ATL2: variants seen among roughly 807,000 people sequenced by gnomAD.
ATL2 encodes the protein atlastin-2.
ATL2 carries 31 observed loss-of-function variants against 73.9 expected under a neutral mutation model. The observed-to-expected ratio is 0.42, with a 90% CI of 0.32 to 0.57. The LOEUF is 0.57. Among genes scored for constraint, ATL2 ranks in the 20% least tolerant of loss-of-function variants. ATL2 has a pLI of 0.14. For missense variants in ATL2, 738 were observed against 702.6 expected (o/e 1.05, Z -0.57); for synonymous variants, 291 against 237.5 (o/e 1.23, Z -2.07).
At chr2:38,370,398 A>C (rs1392564075) in intron 1 of ATL2, among the ~76,000 whole-genome samples, 1 of 144,612 alleles carries the variant, frequency 6.9e-6, no homozygotes, top group African/African-American at 2.6e-5. Flanking sequence ...ACAGTGAGCC[A>C]AGATCGCGCC....
In ATL2 at chr2:38,294,653, A is replaced by G. The variant is rs1666793929; in HGVS notation, c.*1341T>C. On this transcript the variant is annotated 3_prime_UTR_variant, in exon 13 of 13. Transcript: ENST00000378954. ...TACATATACCACCAAAAAAAAAAAA[A>G]GAGAGAGAAAGAAATTAACAATCCC... Among the ~76,000 whole-genome samples, 5 of 148,030 alleles carry G rather than the reference A, an allele frequency of 3.4e-5. No individual in the cohort carries two copies. In the South Asian group the frequency reaches 1.1e-3, roughly 33 times the overall value.
chr2:38,329,901 G>C (rs768836020), intron 2 of ATL2, among the ~76,000 whole-genome samples: 1 of 152,082 alleles, frequency 6.6e-6, no homozygotes, highest in Non-Finnish European at 1.5e-5. Flanking sequence ...GGCCAAGTCG[G>C]GCAGAATACC....
chr2:38,301,900 G>A (rs1444377455), intron 9 of ATL2, among the ~76,000 whole-genome samples: 2 of 152,094 alleles, frequency 1.3e-5, no homozygotes, highest in Non-Finnish European at 2.9e-5. Flanking sequence ...CTCAGGCAGT[G>A]TAGTTCACAG....
At chr2:38,308,280 A>G (rs1157082370) in intron 9 of ATL2, among the ~76,000 whole-genome samples, 1 of 152,208 alleles carries the variant, frequency 6.6e-6, no homozygotes, top group Non-Finnish European at 1.5e-5. Flanking sequence ...ATATAAAAGA[A>G]TGAGATCCTG....
intron 2 of ATL2, among the ~76,000 whole-genome samples, chr2:38,325,649 CACACACACCAG>C (rs1668567757): frequency 1.2e-5 from 1 of 81,470 alleles, no homozygotes; most frequent in Non-Finnish European, 2.5e-5. Context: ...CACACACACA[CACACACACCAG>C]TACACACACA....
intron 1 of ATL2, chr2:38,358,609 G>T (rs112659670): frequency 1.1e-5 from 3 of 265,560 alleles, no homozygotes; most frequent in South Asian, 8.5e-5. Flanking sequence ...GGAGAATGGC[G>T]TGGACCCAAG....
At chr2:38,335,191 C>T (rs964180492) in intron 2 of ATL2, among the ~76,000 whole-genome samples, 1 of 151,446 alleles carries the variant, frequency 6.6e-6, no homozygotes, top group Non-Finnish European at 1.5e-5. Context: ...TTTGGCAATC[C>T]CTACTAAAAG....
chr2:38,363,939 G>A (rs1671156828), intron 1 of ATL2, among the ~76,000 whole-genome samples: 1 of 152,154 alleles, frequency 6.6e-6, no homozygotes, highest in Non-Finnish European at 1.5e-5. Flanking sequence ...CACCTCTTAA[G>A]CCCTGAGGAT....
At chr2:38,313,916 G>T (rs1028538676) in intron 6 of ATL2, among the ~76,000 whole-genome samples, 5 of 152,068 alleles carry the variant, frequency 3.3e-5, no homozygotes, top group Non-Finnish European at 7.4e-5. Context: ...ACTGATATAG[G>T]CCAAATAGGG....
chr2:38,308,291 T>C (rs1262889060), intron 9 of ATL2, among the ~76,000 whole-genome samples: 1 of 152,220 alleles, frequency 6.6e-6, no homozygotes, highest in African/African-American at 2.4e-5. Context: ...TGAGATCCTG[T>C]CATTTCCAAC....
In ATL2 at chr2:38,298,303, C is replaced by T; in HGVS notation, c.1473G>A (p.Leu491=). Residue 491 remains leucine (L), a synonymous_variant, in exon 12 of 13, where the codon CTG becomes CTA. Transcript: ENST00000378954. ...TAGAGTTTAGGCCAATGAAGCCAGT[C>T]AGTCCTGAGATTATATACATAGCAA... ...VMFAMYIISG[L]TGFIGLNSIA... 6.2e-7 allele frequency: 1 copy of T among 1,614,168 alleles called. No homozygotes were observed. The highest frequency in any genetic ancestry group is 8.5e-7 in the Non-Finnish European group (1 of 1,180,020).
intron 2 of ATL2, among the ~76,000 whole-genome samples, chr2:38,327,619 T>C (rs1257172536): frequency 6.7e-6 from 1 of 149,842 alleles, no homozygotes; most frequent in Non-Finnish European, 1.5e-5. Flanking sequence ...TCACTTTAGA[T>C]GTGAATGACC....
chr2:38,373,236 G>C (rs950846797), intron 1 of ATL2, among the ~76,000 whole-genome samples: 1 of 152,136 alleles, frequency 6.6e-6, no homozygotes, highest in African/African-American at 2.4e-5. Context: ...GCCACAATCA[G>C]AGCATCTTTG....
At chr2:38,328,740 C>A (rs1357555142) in intron 2 of ATL2, among the ~76,000 whole-genome samples, 2 of 151,882 alleles carry the variant, frequency 1.3e-5, no homozygotes, top group Non-Finnish European at 2.9e-5. Flanking sequence ...AGATCTAAAA[C>A]CAATACTCTA....
At chr2:38,333,946 G>C (rs976328016) in intron 2 of ATL2, among the ~76,000 whole-genome samples, 3 of 151,362 alleles carry the variant, frequency 2.0e-5, no homozygotes, top group Admixed American at 1.3e-4. Context: ...ACTTAGTTTT[G>C]ATTCCAAAAT....
intron 9 of ATL2, among the ~76,000 whole-genome samples, chr2:38,306,887 T>C (rs1378406792): frequency 6.6e-6 from 1 of 152,124 alleles, no homozygotes; most frequent in Non-Finnish European, 1.5e-5. Flanking sequence ...GTACTGGAAG[T>C]TGTACTTCAG....
intron 4 of ATL2, among the ~76,000 whole-genome samples, chr2:38,317,841 A>G (rs1668108030): frequency 6.6e-6 from 1 of 152,212 alleles, no homozygotes; most frequent in South Asian, 2.1e-4. Context: ...AAAACTAAAG[A>G]GACTGGTTGT....
intron 9 of ATL2, among the ~76,000 whole-genome samples, chr2:38,303,669 G>A (rs1340026388): frequency 6.6e-6 from 1 of 152,176 alleles, no homozygotes; most frequent in East Asian, 1.9e-4. Flanking sequence ...TTAAAGAGGA[G>A]TAGCTAAAGA....
chr2:38,298,643 A>G (rs950383192), intron 11 of ATL2, 68 bp from the exon 12 acceptor site: 5 of 1,509,090 alleles, frequency 3.3e-6, no homozygotes, highest in Non-Finnish European at 4.5e-6. Context: ...TCCTGTTCAT[A>G]GTTTTTAGTC....
Sources: allele counts gnomAD v4.1 joint callset (sites outside exome capture counted in the v4.1 genomes callset), GRCh38; gene constraint gnomAD v4.1.1; transcripts MANE v1.5; gene names NCBI Gene and HGNC (gene_info 2026-07-23, HGNC 2026-07-21).